DYNC2H1: variants seen among roughly 807,000 people sequenced by gnomAD.
The protein encoded by DYNC2H1 is cytoplasmic dynein 2 heavy chain 1.
A neutral mutation model predicts 570.0 loss-of-function variants in DYNC2H1; 410 were observed. The observed-to-expected ratio is 0.72, with a 90% CI of 0.66 to 0.78. The LOEUF is 0.78. DYNC2H1 is among the 30% of genes least tolerant of loss of function. The probability of loss-of-function intolerance (pLI) is 0.00; values close to 1 mark genes in which losing one functional copy is unlikely to be tolerated. For synonymous variants in DYNC2H1, 1,688 were observed against 1,677.6 expected, an observed-to-expected ratio of 1.01 and a Z score of -0.15; for missense variants, 4,865 against 5,046.4, an observed-to-expected ratio of 0.96 and a Z score of 1.09.
intron 82 of DYNC2H1, among the ~76,000 whole-genome samples, chr11:103,337,481 T>C (rs1213961458): frequency 6.6e-6 from 1 of 152,216 alleles, no homozygotes; most frequent in African/African-American, 2.4e-5. Context: ...CCATAGTAGC[T>C]TACTAATTTA....
intron 87 of DYNC2H1, among the ~76,000 whole-genome samples, chr11:103,462,394 TGTTTTC>T (rs1469939405): frequency 1.5e-5 from 2 of 135,718 alleles, no homozygotes; most frequent in Non-Finnish European, 3.3e-5. Context: ...ACACACGTGT[TGTTTTC>T]TTGTTTTTAG....
At chr11:103,468,743 C>A (rs1457933635) in intron 88 of DYNC2H1, 38 bp downstream of exon 88, 1 of 1,436,646 alleles carries the variant, frequency 7.0e-7, no homozygotes, top group Admixed American at 1.9e-5. Context: ...TTAATTATAT[C>A]AGTTCTCTCT....
rs182088355 is a variant in DYNC2H1 at position 103,280,997 on chromosome 11, A to T, written c.10761+584A>T. ...CATTTCTTGTCTGCTTACAATTTTA[A>T]AAAAAAAGCTATTTGCAAGTAATTT... On this transcript the variant is annotated intron_variant, in intron 71 of 88. Coordinates refer to ENST00000375735, the MANE Select transcript of DYNC2H1 (RefSeq NM_001377.3). The surrounding 1 kb of genome is among the most constrained non-coding windows in gnomAD (Gnocchi z 4.7). Among the ~76,000 whole-genome samples the T allele has an allele frequency of 1.2e-3, 183 of 151,868 alleles. 1 individual carries two copies. The highest frequency in any genetic ancestry group is 4.1e-3 in the African/African-American group (171 of 41,478).
intron 25 of DYNC2H1, 69 bp from the exon 26 acceptor site, chr11:103,156,319 C>G: frequency 2.9e-6 from 4 of 1,361,996 alleles, no homozygotes; most frequent in Non-Finnish European, 3.9e-6. Flanking sequence ...TCATAAAATA[C>G]TTTTCTATTA....
Position 103,122,880 on chromosome 11 carries a change from G to T in DYNC2H1, c.1541G>T (p.Arg514Leu), listed in dbSNP as rs377567443. 1.2e-6 allele frequency: 2 copies of T among 1,612,982 alleles called. No individual in the cohort carries two copies. The highest frequency in any genetic ancestry group is 2.2e-5 in the East Asian group (1 of 44,840). The stretch of plus-strand genomic sequence containing the variant: ...CTTTTATCTGACTTGCCAGGATTTC[G>T]ATGTTTCCATCAAAGTGCCAAAGAT... ...EALLSDLPGF[R>L]CFHQSAKDLL... The change falls in exon 11 of 89, where the codon CGA becomes CTA. Residue 514 changes from arginine (R) to leucine (L), a missense_variant. This residue lies in a region of DYNC2H1 where 1,936 missense variants were observed against 1,962.1 expected (regional missense o/e 0.99). Coordinates refer to ENST00000375735, the MANE Select transcript of DYNC2H1 (RefSeq NM_001377.3).
At chr11:103,272,929 A>G (rs1214903467) in intron 70 of DYNC2H1, among the ~76,000 whole-genome samples, 1 of 152,102 alleles carries the variant, frequency 6.6e-6, no homozygotes, top group Non-Finnish European at 1.5e-5. Flanking sequence ...TGATATTAAA[A>G]TATTTTTAAA....
chr11:103,193,569 G>T (rs1438462753), intron 47 of DYNC2H1, among the ~76,000 whole-genome samples: 9 of 150,520 alleles, frequency 6.0e-5, no homozygotes, highest in African/African-American at 2.2e-4. Flanking sequence ...TTTGAGACGG[G>T]TTTCATTCTT....
At chr11:103,436,196 TA>T (rs1336394750) in intron 85 of DYNC2H1, among the ~76,000 whole-genome samples, 164 bp downstream of exon 85, 518 of 85,254 alleles carry the variant, frequency 6.1e-3, no homozygotes, top group Non-Finnish European at 7.9e-3. Flanking sequence ...AGCACTGTTC[TA>T]TTTTTTTTTT....
At chr11:103,307,162 C>T (rs1867328675) in intron 77 of DYNC2H1, among the ~76,000 whole-genome samples, 4 of 152,040 alleles carry the variant, frequency 2.6e-5, no homozygotes, top group Admixed American at 2.6e-4. Flanking sequence ...CTAAAGCCCA[C>T]AGTATGAGAA....
In DYNC2H1 at chr11:103,197,512, A is replaced by C. The variant is rs566250621; in HGVS notation, c.7709-421A>C. 3.3e-5 allele frequency among the ~76,000 whole-genome samples: 5 copies of C among 152,134 alleles called. No homozygotes were observed. In the South Asian group the frequency reaches 1.0e-3, roughly 32 times the overall value. On this transcript the variant is annotated intron_variant, in intron 47 of 88. Transcript: ENST00000375735. Reference sequence around the variant, plus strand: ...GCCCAGGCTGGAGTGCGGTGGTGCAATCATGGCTCACGGCAGCCTTAAACT... The same window carrying C: ...GCCCAGGCTGGAGTGCGGTGGTGCACTCATGGCTCACGGCAGCCTTAAACT...
Position 103,324,027 on chromosome 11 carries a change from G to T in DYNC2H1, c.12039+37G>T. The stretch of plus-strand genomic sequence containing the variant: ...AAAAGATCTACCTTCAAAAAAAGTT[G>T]CTAGTGAGCCTGAAGGAGACAAAAT... On this transcript the variant is annotated intron_variant, in intron 82 of 88. Coordinates refer to ENST00000375735, the MANE Select transcript of DYNC2H1 (RefSeq NM_001377.3). This position sits in a 1 kb window ranked among gnomAD's most constrained non-coding sequence, Gnocchi z 5.2. 1 of 1,535,086 alleles carries T rather than the reference G, an allele frequency of 6.5e-7. No individual in the cohort carries two copies. The highest frequency in any genetic ancestry group is 8.8e-7 in the Non-Finnish European group (1 of 1,136,024).
chr11:103,133,797 A>C lies in DYNC2H1; in HGVS notation c.2106+90A>C, dbSNP rs1859393596. The C allele has an allele frequency of 7.5e-7, 1 of 1,326,508 alleles. No individual in the cohort carries two copies. Among genetic ancestry groups the C allele is most frequent in the Non-Finnish European group, 1.0e-6 (1 of 988,094 alleles). 82.2% of individuals were successfully genotyped at this position (1,326,508 alleles called of 1,614,324 possible). ...AATTTTTAAAAACTTATTTTGAAAT[A>C]ATTTGAGACTTAAAGTTACAAAAAT... On this transcript the variant is annotated intron_variant, in intron 14 of 88. Coordinates refer to ENST00000375735, the MANE Select transcript of DYNC2H1 (RefSeq NM_001377.3). The surrounding 1 kb of genome is among the most constrained non-coding windows in gnomAD (Gnocchi z 4.8).
intron 79 of DYNC2H1, among the ~76,000 whole-genome samples, chr11:103,314,736 A>G (rs1368519661): frequency 6.6e-6 from 1 of 151,894 alleles, no homozygotes; most frequent in Admixed American, 6.6e-5. Context: ...TAGACAAAAT[A>G]TATATACCTA....
Position 103,456,443 on chromosome 11 carries a change from A to G in DYNC2H1, c.12648+87A>G, listed in dbSNP as rs1018371185. On this transcript the variant is annotated intron_variant, in intron 87 of 88. Transcript: ENST00000375735. ...TGAAATTTTGATCTCAAAGTGACCT[A>G]TCTTTATAGTGTAAGATCAGTAGAG... 3.1e-5 allele frequency: 32 copies of G among 1,016,476 alleles called. No individual in the cohort carries two copies. The South Asian group carries it at 3.6e-4, about 11-fold the overall frequency. The allele number at this position is 1,016,476 out of a possible 1,614,324, so 63.0% of individuals were successfully genotyped here.
intron 63 of DYNC2H1, among the ~76,000 whole-genome samples, chr11:103,237,584 T>A (rs1565420539): frequency 6.6e-6 from 1 of 152,046 alleles, no homozygotes; most frequent in Non-Finnish European, 1.5e-5. Context: ...CACAATGGAA[T>A]CACAAATATG....
intron 59 of DYNC2H1, among the ~76,000 whole-genome samples, chr11:103,224,272 A>T (rs1335660597): frequency 6.6e-6 from 1 of 151,866 alleles, no homozygotes; most frequent in Non-Finnish European, 1.5e-5. Flanking sequence ...AAATTTCAAT[A>T]GGTTTTTGGG....
At chr11:103,410,223 T>C (rs1208524623) in intron 84 of DYNC2H1, among the ~76,000 whole-genome samples, 1 of 152,106 alleles carries the variant, frequency 6.6e-6, no homozygotes, top group Non-Finnish European at 1.5e-5. Context: ...TGACAGGCAG[T>C]GTGTGTGTGC....
At chr11:103,422,047 C>A (rs1165494172) in intron 84 of DYNC2H1, among the ~76,000 whole-genome samples, 1 of 151,928 alleles carries the variant, frequency 6.6e-6, no homozygotes, top group East Asian at 1.9e-4. Context: ...ACAACTATCA[C>A]AGAATACTAT....
intron 83 of DYNC2H1, among the ~76,000 whole-genome samples, chr11:103,398,741 A>ATT (rs5794233): frequency 6.6e-5 from 10 of 151,826 alleles, no homozygotes; most frequent in South Asian, 2.1e-4. Context: ...ATTGAAAGTG[A>ATT]TTTTTTTTCT....
Sources: allele counts gnomAD v4.1 joint callset (sites outside exome capture counted in the v4.1 genomes callset), GRCh38; gene constraint gnomAD v4.1.1; regional missense constraint gnomAD v4.1.1; non-coding constraint Gnocchi (gnomAD v3.1); transcripts MANE v1.5; gene names NCBI Gene and HGNC (gene_info 2026-07-23, HGNC 2026-07-21).